ZFYVE9: variants seen among roughly 807,000 people sequenced by gnomAD.
ZFYVE9 encodes the protein zinc finger FYVE-type containing 9.
ZFYVE9 carries 43 observed loss-of-function variants against 126.7 expected under a neutral mutation model. That is an observed-to-expected ratio of 0.34 (90% CI 0.27 to 0.44). ZFYVE9 has a LOEUF of 0.44. Ranked by LOEUF, ZFYVE9 falls within the 20% of genes least tolerant of loss-of-function variation. The pLI, the probability that ZFYVE9 is intolerant of heterozygous loss-of-function variation, is 1.00. For missense variants in ZFYVE9, 1,476 were observed against 1,697.0 expected, an observed-to-expected ratio of 0.87 and a Z score of 2.29; for synonymous variants, 521 against 597.4, an observed-to-expected ratio of 0.87 and a Z score of 1.87.
Position 52,332,817 on chromosome 1 carries a change from C to G in ZFYVE9, c.3488C>G (p.Ala1163Gly), listed in dbSNP as rs1271793798. 1 of 1,614,060 alleles carries G rather than the reference C, an allele frequency of 6.2e-7. No individual in the cohort carries two copies. The highest frequency in any genetic ancestry group is 8.5e-7 in the Non-Finnish European group (1 of 1,180,012). ...AATGAGCATGTCCTGGCAGGAGGTG[C>G]CTGCTTCAATGAAAAGGCAGACTCT... is the stretch of plus-strand genomic sequence containing the variant. ...KSNEHVLAGG[A>G]CFNEKADSHL... is the part of the protein sequence containing the mutation. Residue 1163 changes from alanine (A) to glycine (G), a missense_variant, in exon 14 of 19, where the codon GCC (alanine) becomes GGC (glycine). Around this residue, in one of 2 missense-constraint regions of ZFYVE9, gnomAD observed 669 missense variants for 902.4 expected, o/e 0.74. Transcript: ENST00000287727.
chr1:52,180,202 G>T (rs1311769754), intron 1 of ZFYVE9: 2 of 1,579,792 alleles, frequency 1.3e-6, no homozygotes, highest in Non-Finnish European at 1.7e-6. Context: ...TACAAACAAG[G>T]AATTCCCCTC....
intron 7 of ZFYVE9, among the ~76,000 whole-genome samples, chr1:52,271,827 A>AT (rs1645695498): frequency 6.6e-6 from 1 of 152,020 alleles, no homozygotes; most frequent in African/African-American, 2.4e-5. Flanking sequence ...ACATGGGCAT[A>AT]TTTATTTTAT....
intron 1 of ZFYVE9, among the ~76,000 whole-genome samples, chr1:52,206,410 T>G (rs168311): frequency 0.012 from 1,831 of 152,344 alleles, 30 homozygotes; most frequent in African/African-American, 0.042. Flanking sequence ...ATCTCAAAAT[T>G]GGAGATACAG....
At chr1:52,245,562 A>C (rs1361028266) in intron 4 of ZFYVE9, among the ~76,000 whole-genome samples, 1 of 152,226 alleles carries the variant, frequency 6.6e-6, no homozygotes, top group Non-Finnish European at 1.5e-5. Flanking sequence ...AAGTGACAAA[A>C]TAGGCCTAGA....
chr1:52,262,401 T>C (rs1364256349), intron 4 of ZFYVE9, among the ~76,000 whole-genome samples: 1 of 152,248 alleles, frequency 6.6e-6, no homozygotes, highest in Non-Finnish European at 1.5e-5. Context: ...AGTAGTCATA[T>C]AGTTTGCTGT....
intron 1 of ZFYVE9, among the ~76,000 whole-genome samples, chr1:52,184,115 C>G (rs1489548634): frequency 1.3e-5 from 2 of 150,324 alleles, no homozygotes; most frequent in Admixed American, 6.6e-5. Context: ...TGATATAGTT[C>G]ACCTTTTTAG....
At chr1:52,293,814 G>C in intron 11 of ZFYVE9, 137 bp downstream of exon 11, 1 of 775,654 alleles carries the variant, frequency 1.3e-6, no homozygotes, top group East Asian at 2.7e-5. Context: ...CAGTGTCTGC[G>C]TGTATTGGGC....
At chr1:52,165,490 G>T (rs903270911) in intron 1 of ZFYVE9, among the ~76,000 whole-genome samples, 2 of 152,146 alleles carry the variant, frequency 1.3e-5, no homozygotes, top group African/African-American at 4.8e-5. Flanking sequence ...ATATAGAAGG[G>T]AACAGAATAA....
At chr1:52,186,407 CACAAG>C (rs1159608116) in intron 1 of ZFYVE9, among the ~76,000 whole-genome samples, 1 of 152,094 alleles carries the variant, frequency 6.6e-6, no homozygotes, top group Non-Finnish European at 1.5e-5. Flanking sequence ...TGAAAACTGG[CACAAG>C]ACAAGGATGC....
At chr1:52,150,926 A>C (rs1007970908) in intron 1 of ZFYVE9, among the ~76,000 whole-genome samples, 4 of 152,032 alleles carry the variant, frequency 2.6e-5, no homozygotes, top group Non-Finnish European at 5.9e-5. Flanking sequence ...AAACACTGCC[A>C]GTTTGAAACT....
rs570575941 is a variant in ZFYVE9 at position 52,270,298 on chromosome 1, C to G, written c.2625+1666C>G. 2.0e-5 allele frequency among the ~76,000 whole-genome samples: 3 copies of G among 152,280 alleles called. No individual in the cohort carries two copies. The South Asian group carries it at 6.2e-4, about 32-fold the overall frequency. On this transcript the variant is annotated intron_variant, in intron 7 of 18. Transcript: ENST00000287727. ...TTTTGTTTTGAGATGGAGTCTTGCT[C>G]TGTCGCCCAGGCTGGAGTGCAGTGG... is the stretch of plus-strand genomic sequence containing the variant.
In ZFYVE9 at chr1:52,174,168, A is replaced by G. The variant is rs372935017; in HGVS notation, c.-143+31765A>G. Among the ~76,000 whole-genome samples, 11 of 151,964 alleles carry G rather than the reference A, an allele frequency of 7.2e-5. No individual in the cohort carries two copies. The South Asian group carries it at 1.0e-3, about 14-fold the overall frequency. On this transcript the variant is annotated intron_variant, in intron 1 of 18. Transcript: ENST00000287727. Reference sequence around the variant, plus strand: ...TGCTATAAATTTCCCTCTACACACTACTTTGAATGTGTCCCAGAGATTCTG... The same window carrying G: ...TGCTATAAATTTCCCTCTACACACTGCTTTGAATGTGTCCCAGAGATTCTG...
At chr1:52,164,144 G>A (rs1420380208) in intron 1 of ZFYVE9, among the ~76,000 whole-genome samples, 2 of 149,038 alleles carry the variant, frequency 1.3e-5, no homozygotes, top group East Asian at 2.0e-4. Flanking sequence ...TTGTAGAGAC[G>A]GGTTTTCACC....
intron 2 of ZFYVE9, among the ~76,000 whole-genome samples, chr1:52,219,749 T>TCG (rs1431955734): frequency 8.8e-6 from 1 of 113,274 alleles, no homozygotes; most frequent in Non-Finnish European, 1.8e-5. Context: ...CCAAGATCTT[T>TCG]TGTGTGTGTG....
At chr1:52,342,472 G>A (rs553415408) in intron 17 of ZFYVE9, among the ~76,000 whole-genome samples, 7 of 149,960 alleles carry the variant, frequency 4.7e-5, no homozygotes, top group African/African-American at 9.8e-5. Context: ...AGGTTTCACC[G>A]TGTTAGCCAG....
chr1:52,322,727 C>G (rs1433246326), intron 13 of ZFYVE9, among the ~76,000 whole-genome samples: 1 of 151,908 alleles, frequency 6.6e-6, no homozygotes, highest in Non-Finnish European at 1.5e-5. Context: ...TTAAAACCTT[C>G]CACAGATTTT....
chr1:52,263,078 C>CAAAAAA (rs759753454), intron 4 of ZFYVE9, among the ~76,000 whole-genome samples: 13 of 70,256 alleles, frequency 1.9e-4, no homozygotes, highest in African/African-American at 5.3e-4. Flanking sequence ...AATTGTGTCT[C>CAAAAAA]AAAAAAAAAA....
intron 1 of ZFYVE9, among the ~76,000 whole-genome samples, chr1:52,144,812 C>G (rs1644293347): frequency 1.3e-5 from 2 of 152,110 alleles, no homozygotes; most frequent in African/African-American, 4.8e-5. Context: ...TACTTTGGCA[C>G]TTAATGGACA....
At position 52,237,511 on chromosome 1, in the gene ZFYVE9, T is replaced by C. The variant is rs1229624222; in HGVS notation, c.94T>C (p.Leu32=). Residue 32 remains leucine (L), a synonymous_variant, in exon 4 of 19, where the codon TTG becomes CTG. Coordinates refer to ENST00000287727, the MANE Select transcript of ZFYVE9 (RefSeq NM_004799.4). ...NEDETVSSTL[L]DTKWNKILDP... ...AGATGAAACAGTTTCTTCTACTTTA[T>C]TGGATACAAAGTGGAATAAGATTCT... is the stretch of plus-strand genomic sequence containing the variant. 3.1e-6 allele frequency: 5 copies of C among 1,610,158 alleles called. No homozygotes were observed. Among genetic ancestry groups the C allele is most frequent in the Non-Finnish European group, 4.2e-6 (5 of 1,177,308 alleles).
Sources: allele counts gnomAD v4.1 joint callset (sites outside exome capture counted in the v4.1 genomes callset), GRCh38; gene constraint gnomAD v4.1.1; regional missense constraint gnomAD v4.1.1; transcripts MANE v1.5; gene names NCBI Gene and HGNC (gene_info 2026-07-23, HGNC 2026-07-21).